Variants in DTNA observed in about 807,000 individuals in gnomAD.
The protein encoded by DTNA is dystrophin-related protein 3.
A neutral mutation model predicts 100.7 loss-of-function variants in DTNA; 43 were observed. That is an observed-to-expected ratio of 0.43 (90% CI 0.33 to 0.55). The LOEUF (loss-of-function observed/expected upper bound fraction) is 0.55, where lower values mean the gene tolerates loss of function less well. Ranked by LOEUF, DTNA falls within the 20% of genes least tolerant of loss-of-function variation. The pLI, the probability that DTNA is intolerant of heterozygous loss-of-function variation, is 0.04. For missense variants in DTNA, 798 were observed against 953.9 expected, an observed-to-expected ratio of 0.84 and a Z score of 2.15; for synonymous variants, 349 against 347.9, an observed-to-expected ratio of 1.00 and a Z score of -0.04.
intron 1 of DTNA, among the ~76,000 whole-genome samples, chr18:34,526,967 C>G (rs997388238): frequency 6.6e-6 from 1 of 152,228 alleles, no homozygotes; most frequent in African/African-American, 2.4e-5. Context: ...TACTAAGGAA[C>G]AGACACTGAA....
chr18:34,838,004 T>C, intron 11 of DTNA, 90 bp from the exon 12 acceptor site: 1 of 1,133,866 alleles, frequency 8.8e-7, no homozygotes, highest in Non-Finnish European at 1.3e-6. Context: ...GAAACTTGGA[T>C]CTAGACTTGG....
intron 2 of DTNA, among the ~76,000 whole-genome samples, chr18:34,760,578 A>G (rs1420748949): frequency 6.6e-6 from 1 of 152,168 alleles, no homozygotes; most frequent in Non-Finnish European, 1.5e-5. Flanking sequence ...AGGAGGGCTC[A>G]TTGTCACTCC....
intron 1 of DTNA, among the ~76,000 whole-genome samples, chr18:34,536,883 G>A (rs926179717): frequency 2.6e-5 from 4 of 151,900 alleles, no homozygotes; most frequent in Admixed American, 2.6e-4. Context: ...TTGTTGAATA[G>A]CAAATAATAT....
At chr18:34,854,235 A>C (rs189831646) in intron 15 of DTNA, among the ~76,000 whole-genome samples, 102 of 152,330 alleles carry the variant, frequency 6.7e-4, no homozygotes, top group Non-Finnish European at 1.4e-3. Flanking sequence ...AAAAGAAGCA[A>C]AATAAGCCAG....
chr18:34,733,465 G>C (rs1269902642), intron 1 of DTNA, among the ~76,000 whole-genome samples: 1 of 152,178 alleles, frequency 6.6e-6, no homozygotes, highest in Non-Finnish European at 1.5e-5. Context: ...GTCTGCTTCT[G>C]CTGTCCATTA....
chr18:34,630,101 G>T (rs1016721049), intron 1 of DTNA, among the ~76,000 whole-genome samples: 2 of 152,026 alleles, frequency 1.3e-5, no homozygotes. Flanking sequence ...CTCTACCTCA[G>T]TTATCACCAC....
At chr18:34,803,914 C>A (rs1233170490) in intron 4 of DTNA, among the ~76,000 whole-genome samples, 1 of 152,166 alleles carries the variant, frequency 6.6e-6, no homozygotes, top group Non-Finnish European at 1.5e-5. Flanking sequence ...GTATTAGTCA[C>A]TAACTCTGTG....
intron 1 of DTNA, among the ~76,000 whole-genome samples, chr18:34,748,127 G>A (rs1049183491): frequency 1.3e-5 from 2 of 152,012 alleles, no homozygotes; most frequent in Non-Finnish European, 1.5e-5. Flanking sequence ...GTCTATTCAT[G>A]TTCTTTGCCT....
rs1223470825 is a variant in DTNA, at chr18:34,866,229, T to C, written c.1743+2167T>C. ...TTTTGCTCTAATGTATGTTCATGCT[T>C]CAGTTTGGAAAGAGAAAAAAGTCAT... On this transcript the variant is annotated intron_variant, in intron 17 of 22. Coordinates refer to ENST00000444659, the MANE Select transcript of DTNA (RefSeq NM_001386795.1). 2.5e-6 allele frequency: 4 copies of C among 1,611,246 alleles called. No homozygotes were observed. The African/African-American group carries it at 5.3e-5, about 22-fold the overall frequency.
intron 1 of DTNA, among the ~76,000 whole-genome samples, chr18:34,714,821 T>C (rs1250732545): frequency 1.3e-5 from 2 of 152,156 alleles, no homozygotes; most frequent in East Asian, 3.9e-4. Flanking sequence ...CGTCCAACAA[T>C]GATAGACTGG....
At chr18:34,497,434 C>T (rs541944407) in intron 1 of DTNA, among the ~76,000 whole-genome samples, 1 of 152,262 alleles carries the variant, frequency 6.6e-6, no homozygotes, top group East Asian at 1.9e-4. Context: ...ACGTACTCTT[C>T]ACAAAAGCCA....
At chr18:34,725,410 AAAC>A (rs1030078472) in intron 1 of DTNA, among the ~76,000 whole-genome samples, 7 of 151,862 alleles carry the variant, frequency 4.6e-5, no homozygotes, top group African/African-American at 1.2e-4. Context: ...GAAAAAAAAA[AAAC>A]AACCCCATCA....
intron 1 of DTNA, among the ~76,000 whole-genome samples, chr18:34,665,362 T>C (rs1031415950): frequency 1.3e-5 from 2 of 152,156 alleles, no homozygotes; most frequent in Non-Finnish European, 2.9e-5. Flanking sequence ...TGTATACAAA[T>C]TTTTTATGAA....
chr18:34,874,957 CAG>C (rs1489371090), intron 17 of DTNA, among the ~76,000 whole-genome samples: 17 of 152,212 alleles, frequency 1.1e-4, no homozygotes, highest in Non-Finnish European at 1.8e-4. Context: ...CTGCATTTAA[CAG>C]TACCTTCATT....
At chr18:34,500,390 T>G (rs1471418676) in intron 1 of DTNA, among the ~76,000 whole-genome samples, 2 of 150,212 alleles carry the variant, frequency 1.3e-5, no homozygotes, top group Non-Finnish European at 3.0e-5. Flanking sequence ...GTTTATCTAG[T>G]ATCCTGGGAA....
intron 5 of DTNA, among the ~76,000 whole-genome samples, chr18:34,810,416 G>A (rs1330194605): frequency 6.6e-6 from 1 of 151,792 alleles, no homozygotes; most frequent in Non-Finnish European, 1.5e-5. Context: ...ATTATGTTAA[G>A]TAAAATAAGT....
chr18:34,581,826 G>A (rs1183548443), intron 1 of DTNA, among the ~76,000 whole-genome samples: 5 of 151,912 alleles, frequency 3.3e-5, no homozygotes, highest in African/African-American at 1.2e-4. Context: ...GTTTCACCAT[G>A]TTGGCCAGGA....
chr18:34,748,089 G>C (rs1252585147), intron 1 of DTNA, among the ~76,000 whole-genome samples: 1 of 151,964 alleles, frequency 6.6e-6, no homozygotes, highest in Non-Finnish European at 1.5e-5. Flanking sequence ...ATGTTTGTTG[G>C]CCTTTTGTAT....
chr18:34,829,515 A>G, intron 11 of DTNA, 26 bp downstream of exon 11: 1 of 1,495,826 alleles, frequency 6.7e-7, no homozygotes, highest in South Asian at 1.3e-5. Context: ...CTGAATTGCT[A>G]ATCGTAGTAG....
Sources: gnomAD v4.1 joint callset for allele counts (sites outside exome capture counted in the v4.1 genomes callset) on GRCh38, gnomAD v4.1.1 for gene constraint, MANE v1.5 for transcripts, NCBI Gene and HGNC (gene_info 2026-07-23, HGNC 2026-07-21) for gene names.